Variants in PRKAG1 observed in about 807,000 individuals in gnomAD.
PRKAG1 encodes 5'-AMP-activated protein kinase subunit gamma-1.
In PRKAG1, 27 loss-of-function variants were observed where a neutral mutation model predicts 48.2. That is an observed-to-expected ratio of 0.56 (90% CI 0.41 to 0.77). PRKAG1 has a LOEUF of 0.77. Ranked by LOEUF, PRKAG1 falls within the 30% of genes least tolerant of loss-of-function variation. The pLI, the probability that PRKAG1 is intolerant of heterozygous loss-of-function variation, is 0.00. For missense variants in PRKAG1, 287 were observed against 398.3 expected (o/e 0.72, Z 2.38); for synonymous variants, 130 against 147.7 (o/e 0.88, Z 0.87).
At chr12:49,010,549 G>C (rs1042985207) in intron 2 of PRKAG1, among the ~76,000 whole-genome samples, 1 of 152,150 alleles carries the variant, frequency 6.6e-6, no homozygotes, top group African/African-American at 2.4e-5. Context: ...CAGATTTCCA[G>C]TCTCTGCCAC....
At chr12:49,017,470 CCAAAG>C in intron 1 of PRKAG1, 1 of 301,814 alleles carries the variant, frequency 3.3e-6, no homozygotes, top group Non-Finnish European at 6.5e-6. Flanking sequence ...CCTTGGCCTC[CCAAAG>C]TACTGGCATT....
chr12:49,003,280 G>T lies in PRKAG1; in HGVS notation c.752C>A (p.Ala251Glu). Reference protein sequence around the residue: ...YSKFDVINLAAEKTYNNLDVS... With the variant: ...YSKFDVINLAEEKTYNNLDVS... ...ATCTAGGTTGTTGTAGGTCTTTTCTGCTGCCAGATTCTGGGGAGACAGAGG... is the reference window on the plus strand; with the variant it reads ...ATCTAGGTTGTTGTAGGTCTTTTCTTCTGCCAGATTCTGGGGAGACAGAGG... The change falls in exon 11 of 12, where the codon GCA becomes GAA. Residue 251 changes from alanine (A) to glutamate (E), a missense_variant. Transcript: ENST00000548065. 1 of 1,614,144 alleles carries T rather than the reference G, an allele frequency of 6.2e-7. No individual in the cohort carries two copies. The highest frequency in any genetic ancestry group is 8.5e-7 in the Non-Finnish European group (1 of 1,180,026).
chr12:49,018,570 G>T, intron 1 of PRKAG1, 162 bp downstream of exon 1: 1 of 1,481,966 alleles, frequency 6.7e-7, no homozygotes. Flanking sequence ...TGCGCCCAAC[G>T]AAGAAGCGGA....
intron 1 of PRKAG1, chr12:49,018,172 C>T (rs1942075930): frequency 6.5e-6 from 1 of 154,816 alleles, no homozygotes; most frequent in Admixed American, 6.5e-5. Flanking sequence ...TCCAGGGACA[C>T]ATCGGCCTCT....
intron 10 of PRKAG1, 98 bp downstream of exon 10, chr12:49,003,460 C>T: frequency 1.3e-6 from 2 of 1,555,446 alleles, no homozygotes; most frequent in Non-Finnish European, 1.8e-6. Context: ...CTTCTAAGAC[C>T]CTTAGATCAC....
chr12:49,016,908 CCA>C, intron 1 of PRKAG1: 1 of 339,304 alleles, frequency 2.9e-6, no homozygotes, highest in Admixed American at 4.3e-5. Context: ...GCCTGCTTTT[CCA>C]GTCTTTTCTC....
chr12:49,005,830 G>A lies in PRKAG1; in HGVS notation c.81C>T (p.Ser27=), dbSNP rs200066830. The A allele has an allele frequency of 2.3e-5, 37 of 1,609,174 alleles. No homozygotes were observed. Among genetic ancestry groups the A allele is most frequent in the Middle Eastern group, 3.3e-4 (2 of 6,070 alleles). ...GAGACTTCATGAAGGAAGTATACAC[G>A]CTATTGTTGGATTCTGGGGTCTCTG... The part of the protein sequence containing the change: ...HPQETPESNN[S]VYTSFMKSHR... The change falls in exon 3 of 12, where the codon AGC becomes AGT. Residue 27 remains serine, a synonymous_variant. Transcript: ENST00000548065. This position sits in a 1 kb window ranked among gnomAD's most constrained non-coding sequence, Gnocchi z 4.1.
chr12:49,017,235 G>T (rs1942018532), intron 1 of PRKAG1: 1 of 455,480 alleles, frequency 2.2e-6, no homozygotes, highest in East Asian at 6.9e-5. Flanking sequence ...GGATCTCACT[G>T]TGTCACTCAG....
chr12:49,005,911 G>T lies in PRKAG1; in HGVS notation c.59-59C>A. 7.9e-7 allele frequency: 1 copy of T among 1,269,000 alleles called. No homozygotes were observed. The highest frequency in any genetic ancestry group is 1.1e-6 in the Non-Finnish European group (1 of 908,636). The allele number at this position is 1,269,000 out of a possible 1,614,324, so 78.6% of individuals were successfully genotyped here. A position where few individuals can be genotyped will look rare whatever the true frequency, so the allele number is the denominator to read the frequency against. Reference sequence around the variant, plus strand: ...CACATAAAAACTCCCAATCAAAAGAGACAGAAAACAAAATAGTGTTCTAGT... The same window carrying T: ...CACATAAAAACTCCCAATCAAAAGATACAGAAAACAAAATAGTGTTCTAGT... On this transcript the variant is annotated intron_variant, in intron 2 of 11. Coordinates refer to ENST00000548065, the MANE Select transcript of PRKAG1 (RefSeq NM_002733.5). This position sits in a 1 kb window ranked among gnomAD's most constrained non-coding sequence, Gnocchi z 4.1.
Position 49,005,920 on chromosome 12 carries a change from CA to C in PRKAG1, c.59-69del. Reference sequence around the variant, plus strand: ...ACTCCCAATCAAAAGAGACAGAAAACAAAATAGTGTTCTAGTATCTCAAATA... The same window carrying C: ...ACTCCCAATCAAAAGAGACAGAAAACAAATAGTGTTCTAGTATCTCAAATA... On this transcript the variant is annotated intron_variant, in intron 2 of 11. Transcript: ENST00000548065. This position sits in a 1 kb window ranked among gnomAD's most constrained non-coding sequence, Gnocchi z 4.1. The C allele has an allele frequency of 1.7e-6, 2 of 1,145,208 alleles. No homozygotes were observed. Among genetic ancestry groups the C allele is most frequent in the Non-Finnish European group, 2.5e-6 (2 of 796,364 alleles). The allele number at this position is 1,145,208 out of a possible 1,614,324, so 70.9% of individuals were successfully genotyped here. A position where few individuals can be genotyped will look rare whatever the true frequency, so the allele number is the denominator to read the frequency against.
At chr12:49,013,839 A>G (rs1335890846) in intron 1 of PRKAG1, among the ~76,000 whole-genome samples, 1 of 152,122 alleles carries the variant, frequency 6.6e-6, no homozygotes, top group Non-Finnish European at 1.5e-5. Context: ...TAACTGATGA[A>G]GAGTTTGGTT....
intron 1 of PRKAG1, among the ~76,000 whole-genome samples, chr12:49,015,415 ATAATTC>A (rs1410702363): frequency 6.6e-6 from 1 of 152,234 alleles, no homozygotes. Flanking sequence ...GGTTTTGCAT[ATAATTC>A]ACAGTTGTTT....
chr12:49,007,113 C>T (rs1278276989), intron 2 of PRKAG1, among the ~76,000 whole-genome samples: 6 of 151,744 alleles, frequency 4.0e-5, no homozygotes, highest in African/African-American at 7.3e-5. Context: ...GGCGAAACCC[C>T]GTCTCTACTA....
intron 1 of PRKAG1, 91 bp downstream of exon 1, chr12:49,018,641 C>G (rs1942110790): frequency 3.1e-6 from 5 of 1,603,714 alleles, no homozygotes; most frequent in East Asian, 2.2e-5. Context: ...GACACCAGCG[C>G]CAGCCCCTGC....
At chr12:49,009,059 C>T (rs993383242) in intron 2 of PRKAG1, among the ~76,000 whole-genome samples, 1 of 151,578 alleles carries the variant, frequency 6.6e-6, no homozygotes, top group Non-Finnish European at 1.5e-5. Context: ...AGATACTGGA[C>T]CTCCTAGACT....
rs1247036358 is a variant in PRKAG1 at position 49,005,482 on chromosome 12, C to G, written c.230G>C (p.Ser77Thr). Residue 77 changes from serine to threonine, a missense_variant, in exon 4 of 12, where the codon AGT (serine) becomes ACT (threonine). By Grantham distance (58) the Ser-to-Thr change is moderately conservative (BLOSUM62 1). Around this residue, in one of 2 missense-constraint regions of PRKAG1, gnomAD observed 224 missense variants for 344.3 expected, o/e 0.65. Coordinates refer to ENST00000548065, the MANE Select transcript of PRKAG1 (RefSeq NM_002733.5). This position sits in a 1 kb window ranked among gnomAD's most constrained non-coding sequence, Gnocchi z 4.1. ...NGVRAAPLWD[S>T]KKQSFVGMLT... is the part of the protein sequence containing the mutation. ...CTTACCCACAAAACTTTGCTTCTTA[C>G]TATCCCATAAAGGGGCAGCTCGTAC... The G allele has an allele frequency of 1.2e-6, 2 of 1,614,180 alleles. No homozygotes were observed. Among genetic ancestry groups the G allele is most frequent in the African/African-American group, 2.7e-5 (2 of 75,038 alleles).
At chr12:49,003,508 G>GC (rs67579566) in intron 10 of PRKAG1, 50 bp downstream of exon 10, 87,857 of 1,344,498 alleles carry the variant, frequency 0.065, 706 homozygotes, top group Non-Finnish European at 0.072. Flanking sequence ...ATTTAACAGT[G>GC]CCCCCCCCCC....
intron 2 of PRKAG1, among the ~76,000 whole-genome samples, chr12:49,011,986 T>C (rs1009627637): frequency 6.6e-6 from 1 of 152,122 alleles, no homozygotes; most frequent in African/African-American, 2.4e-5. Flanking sequence ...GCCTCCCGAG[T>C]AGCTGGGATT....
In PRKAG1 at chr12:49,005,128, G is replaced by A; in HGVS notation, c.347C>T (p.Thr116Ile). 1 of 1,614,082 alleles carries A rather than the reference G, an allele frequency of 6.2e-7. No individual in the cohort carries two copies. ...IYELEEHKIE[T>I]WREVYLQDSF... ...CCCAATTCTCTACATACCTCTCCAAGTTTCTATCTTGTGTTCTTCTAGCTC... is the reference window on the plus strand; with the variant it reads ...CCCAATTCTCTACATACCTCTCCAAATTTCTATCTTGTGTTCTTCTAGCTC... The change falls in exon 6 of 12, where the codon ACT becomes ATT. Residue 116 changes from threonine (T) to isoleucine (I), a missense_variant. By Grantham distance (89) the Thr-to-Ile change is moderately conservative. Transcript: ENST00000548065. This position sits in a 1 kb window ranked among gnomAD's most constrained non-coding sequence, Gnocchi z 4.1.
Sources: allele counts gnomAD v4.1 joint callset (sites outside exome capture counted in the v4.1 genomes callset), GRCh38; gene constraint gnomAD v4.1.1; regional missense constraint gnomAD v4.1.1; non-coding constraint Gnocchi (gnomAD v3.1); transcripts MANE v1.5; gene names NCBI Gene and HGNC (gene_info 2026-07-23, HGNC 2026-07-21).